SRPK1: variants seen among roughly 807,000 people sequenced by gnomAD.
The protein encoded by SRPK1 is SRSF protein kinase 1, also known as SFRS protein kinase 1.
In SRPK1, 52 loss-of-function variants were observed where a neutral mutation model predicts 89.5. The ratio of observed to expected loss-of-function variants is 0.58; its 90% confidence interval spans 0.46 to 0.73. The LOEUF (loss-of-function observed/expected upper bound fraction) is 0.73, where lower values mean the gene tolerates loss of function less well. Among genes scored for constraint, SRPK1 ranks in the 30% least tolerant of loss-of-function variants. The pLI, the probability that SRPK1 is intolerant of heterozygous loss-of-function variation, is 0.00. For missense variants in SRPK1, 603 were observed against 780.6 expected (o/e 0.77, Z 2.71); for synonymous variants, 255 against 270.2 (o/e 0.94, Z 0.55).
intron 6 of SRPK1, among the ~76,000 whole-genome samples, chr6:35,875,252 T>C (rs1032928960): frequency 6.6e-6 from 1 of 150,592 alleles, no homozygotes; most frequent in African/African-American, 2.4e-5. Flanking sequence ...ACATGGAGAC[T>C]TCTTTTTTTT....
At position 35,889,774 on chromosome 6, in the gene SRPK1, ACT is replaced by A. The variant is rs1379423402; in HGVS notation, c.194-853_194-852del. 6.7e-5 allele frequency among the ~76,000 whole-genome samples: 10 copies of A among 148,588 alleles called. No individual in the cohort carries two copies. The South Asian group carries it at 1.9e-3, about 29-fold the overall frequency. On this transcript the variant is annotated intron_variant, in intron 3 of 15. Transcript: ENST00000373825. ...ACTCCAGCCTGGATGACAGAGCCAG[ACT>A]CTGTCTCAAAAAACAAACAAACAAA...
intron 12 of SRPK1, among the ~76,000 whole-genome samples, chr6:35,865,842 T>A (rs1769885273): frequency 6.6e-6 from 1 of 151,660 alleles, no homozygotes. Flanking sequence ...GACTAAGACC[T>A]CAGGCAACAA....
At chr6:35,853,124 T>C (rs1193273858) in intron 13 of SRPK1, among the ~76,000 whole-genome samples, 1 of 151,890 alleles carries the variant, frequency 6.6e-6, no homozygotes, top group African/African-American at 2.4e-5. Context: ...CCTATAGTCC[T>C]AGGCATGTGC....
intron 6 of SRPK1, among the ~76,000 whole-genome samples, chr6:35,874,982 T>G (rs1770123629): frequency 6.6e-6 from 1 of 152,188 alleles, no homozygotes; most frequent in Non-Finnish European, 1.5e-5. Flanking sequence ...TGCAGGGCAC[T>G]ACAGAGATTT....
At chr6:35,901,194 G>A (rs1022302048) in intron 2 of SRPK1, among the ~76,000 whole-genome samples, 1 of 152,214 alleles carries the variant, frequency 6.6e-6, no homozygotes, top group African/African-American at 2.4e-5. Flanking sequence ...CTCCTAGAAA[G>A]ATACGTTGGA....
At chr6:35,918,267 G>A (rs2127272675) in intron 2 of SRPK1, among the ~76,000 whole-genome samples, 1 of 152,320 alleles carries the variant, frequency 6.6e-6, no homozygotes, top group African/African-American at 2.4e-5. Context: ...TTGGGAGGCT[G>A]AGGCAGGCGG....
At chr6:35,839,665 A>G (rs1769260792) in intron 14 of SRPK1, among the ~76,000 whole-genome samples, 1 of 148,918 alleles carries the variant, frequency 6.7e-6, no homozygotes, top group African/African-American at 2.5e-5. Flanking sequence ...TGCAGGTGAC[A>G]GAAGTTAAGA....
rs76760550 is a variant in SRPK1, at chr6:35,836,041, C to A, written c.1784-553G>T. ...TATACTCTATACCAGGGGTCCCCAA[C>A]TCTATACCAATACCCCCTATGGTAC... is the stretch of plus-strand genomic sequence containing the variant. On this transcript the variant is annotated intron_variant, in intron 15 of 15. Coordinates refer to ENST00000373825, the MANE Select transcript of SRPK1 (RefSeq NM_003137.5). Among the ~76,000 whole-genome samples, 176 of 152,254 alleles carry A rather than the reference C, an allele frequency of 1.2e-3. 4 individuals are homozygous for A. The East Asian group carries it at 0.024, about 21-fold the overall frequency.
At chr6:35,903,465 T>C (rs1159007061) in intron 2 of SRPK1, among the ~76,000 whole-genome samples, 5 of 151,944 alleles carry the variant, frequency 3.3e-5, no homozygotes, top group Non-Finnish European at 5.9e-5. Context: ...TGAGCCGAGA[T>C]TGTGCCACTG....
intron 2 of SRPK1, among the ~76,000 whole-genome samples, chr6:35,903,142 A>T (rs1194792034): frequency 1.3e-4 from 20 of 152,072 alleles, no homozygotes; most frequent in Admixed American, 1.3e-3. Flanking sequence ...AAAGTGAATG[A>T]ACGGAAAGAT....
chr6:35,881,362 AAT>A lies in SRPK1; in HGVS notation c.478+5360_478+5361del, dbSNP rs374090438. Among the ~76,000 whole-genome samples the A allele has an allele frequency of 1.6e-3, 241 of 152,284 alleles. 2 individuals are homozygous for A. The South Asian group carries it at 0.023, about 15-fold the overall frequency. ...TGTTTTCTACATGATTTAAAAAACC[AAT>A]ATGTCAAAAAATAATTAGTCTAAAA... On this transcript the variant is annotated intron_variant, in intron 6 of 15. Transcript: ENST00000373825.
At chr6:35,899,298 T>TA (rs1298465023) in intron 2 of SRPK1, among the ~76,000 whole-genome samples, 1 of 152,168 alleles carries the variant, frequency 6.6e-6, no homozygotes, top group Non-Finnish European at 1.5e-5. Context: ...CATCTCTCTA[T>TA]ACATATCTTC....
intron 14 of SRPK1, 23 bp downstream of exon 14, chr6:35,842,512 C>A (rs1272053001): frequency 1.9e-6 from 3 of 1,579,758 alleles, no homozygotes; most frequent in South Asian, 1.1e-5. Context: ...CACGCACACA[C>A]ATCCATGGTT....
chr6:35,880,596 C>T (rs1032241264), intron 6 of SRPK1, among the ~76,000 whole-genome samples: 1 of 150,892 alleles, frequency 6.6e-6, no homozygotes, highest in Non-Finnish European at 1.5e-5. Flanking sequence ...GTGGTGTACA[C>T]CTGTAATCCC....
chr6:35,895,386 T>TA (rs1180409696), intron 2 of SRPK1, among the ~76,000 whole-genome samples: 3 of 151,922 alleles, frequency 2.0e-5, no homozygotes, highest in African/African-American at 7.3e-5. Context: ...GTTACGAAGT[T>TA]AAAGTGCCTA....
Position 35,869,568 on chromosome 6 carries a change from A to G in SRPK1, c.1325T>C (p.Ile442Thr). The change falls in exon 11 of 16, where the codon ATT becomes ACT. Residue 442 changes from isoleucine (I) to threonine (T), a missense_variant. By Grantham distance (89) the Ile-to-Thr change is moderately conservative. Coordinates refer to ENST00000373825, the MANE Select transcript of SRPK1 (RefSeq NM_003137.5). ...TVGQSFSEQH[I>T]SQLQESIRAE... ...CCGAATGCTTTCTTGAAGTTGGCTAATGTGTTGTTCACTGAATGACTGACC... is the reference window on the plus strand; with the variant it reads ...CCGAATGCTTTCTTGAAGTTGGCTAGTGTGTTGTTCACTGAATGACTGACC... 6.2e-7 allele frequency: 1 copy of G among 1,613,930 alleles called. No individual in the cohort carries two copies. Among genetic ancestry groups the G allele is most frequent in the Non-Finnish European group, 8.5e-7 (1 of 1,179,872 alleles).
rs1260290503 is a variant in SRPK1, at chr6:35,920,567, G to A, written c.14-39C>T. ...GGATGGATGAAGGGCGAATGTGGAG[G>A]AAAGGAGGCGACCAAGGTGAGGGTG... On this transcript the variant is annotated intron_variant, in intron 1 of 15. Transcript: ENST00000373825. 4 of 1,602,122 alleles carry A rather than the reference G, an allele frequency of 2.5e-6. 1 individual carries two copies. The South Asian group carries it at 3.3e-5, about 13-fold the overall frequency.
chr6:35,915,019 C>G (rs1225146488), intron 2 of SRPK1, among the ~76,000 whole-genome samples: 1 of 152,154 alleles, frequency 6.6e-6, no homozygotes, highest in Non-Finnish European at 1.5e-5. Context: ...TGGTCTTGAA[C>G]TCCTGACCTC....
At chr6:35,876,066 C>G (rs1770149482) in intron 6 of SRPK1, among the ~76,000 whole-genome samples, 1 of 119,934 alleles carries the variant, frequency 8.3e-6, no homozygotes, top group African/African-American at 3.1e-5. Context: ...CATAAAACAA[C>G]TAGCCTGGAT....
Sources: gnomAD v4.1 joint callset for allele counts (sites outside exome capture counted in the v4.1 genomes callset) on GRCh38, gnomAD v4.1.1 for gene constraint, MANE v1.5 for transcripts, NCBI Gene and HGNC (gene_info 2026-07-23, HGNC 2026-07-21) for gene names.